The following UBE2G1 variants were observed in gnomAD, a reference collection of about 807,000 sequenced individuals.
The protein encoded by UBE2G1 is ubiquitin-conjugating enzyme E2 G1.
Under a neutral mutation model 22.7 loss-of-function variants are expected in UBE2G1, and 5 were observed. That is an observed-to-expected ratio of 0.22 (90% CI 0.12 to 0.46). The LOEUF (loss-of-function observed/expected upper bound fraction) is 0.46, where lower values mean the gene tolerates loss of function less well. Among genes scored for constraint, UBE2G1 ranks in the 20% least tolerant of loss-of-function variants. The probability of loss-of-function intolerance (pLI) is 0.99; values close to 1 mark genes in which losing one functional copy is unlikely to be tolerated. For missense variants in UBE2G1, 88 were observed against 203.9 expected, an observed-to-expected ratio of 0.43 and a Z score of 3.46; for synonymous variants, 74 against 67.5, an observed-to-expected ratio of 1.10 and a Z score of -0.47.
At chr17:4,276,910 G>C (rs1161769792) in intron 5 of UBE2G1, among the ~76,000 whole-genome samples, 1 of 152,136 alleles carries the variant, frequency 6.6e-6, no homozygotes, top group African/African-American at 2.4e-5. Context: ...AGACAAAAGA[G>C]CCAGTTGACC....
At chr17:4,328,692 C>T (rs1347851257) in intron 1 of UBE2G1, among the ~76,000 whole-genome samples, 1 of 152,146 alleles carries the variant, frequency 6.6e-6, no homozygotes, top group Non-Finnish European at 1.5e-5. Context: ...ATAAAAGAAA[C>T]CTAAGCACGT....
At chr17:4,366,196 G>C in intron 1 of UBE2G1, 75 bp downstream of exon 1, 1 of 1,443,030 alleles carries the variant, frequency 6.9e-7, no homozygotes, top group Non-Finnish European at 9.1e-7. Context: ...CGCTGGCCCG[G>C]GAGGAGAAGA....
At chr17:4,300,087 C>CT (rs35118148) in intron 2 of UBE2G1, among the ~76,000 whole-genome samples, 133,261 of 146,630 alleles carry the variant, frequency 0.91, 61,464 homozygotes, top group East Asian at 1. Flanking sequence ...GGCCTACCTG[C>CT]TTTTTTTTTT....
chr17:4,273,856 C>G (rs563141081), intron 5 of UBE2G1, among the ~76,000 whole-genome samples: 1 of 152,220 alleles, frequency 6.6e-6, no homozygotes, highest in South Asian at 2.1e-4. Flanking sequence ...CAGAAGATGA[C>G]TAAGAAATCA....
At chr17:4,329,336 T>C (rs192367277) in intron 1 of UBE2G1, among the ~76,000 whole-genome samples, 25 of 150,470 alleles carry the variant, frequency 1.7e-4, no homozygotes, top group Non-Finnish European at 3.4e-4. Flanking sequence ...GAGGCGGAGG[T>C]TGCAGTGAGC....
chr17:4,291,565 T>A (rs1045708599), intron 3 of UBE2G1, among the ~76,000 whole-genome samples: 1 of 152,042 alleles, frequency 6.6e-6, no homozygotes, highest in Non-Finnish European at 1.5e-5. Flanking sequence ...TTTTCCTTTT[T>A]AAAAAAAATC....
At chr17:4,339,833 G>C (rs1399609462) in intron 1 of UBE2G1, among the ~76,000 whole-genome samples, 2 of 150,816 alleles carry the variant, frequency 1.3e-5, no homozygotes, top group Non-Finnish European at 3.0e-5. Flanking sequence ...TGGGCAACAA[G>C]AGCAAAACTG....
At chr17:4,337,390 C>T (rs1020414787) in intron 1 of UBE2G1, among the ~76,000 whole-genome samples, 12 of 151,132 alleles carry the variant, frequency 7.9e-5, no homozygotes, top group Admixed American at 5.3e-4. Context: ...CAGTGGCTCA[C>T]GCCTGTAATC....
chr17:4,353,515 TTTTA>T (rs1445058441), intron 1 of UBE2G1, among the ~76,000 whole-genome samples: 1 of 151,752 alleles, frequency 6.6e-6, no homozygotes. Context: ...ATTTTTTTTT[TTTTA>T]GACAGAGTCT....
At chr17:4,318,123 C>T (rs887172010) in intron 1 of UBE2G1, among the ~76,000 whole-genome samples, 2 of 152,092 alleles carry the variant, frequency 1.3e-5, no homozygotes, top group Non-Finnish European at 2.9e-5. Context: ...CCCTTGGTAA[C>T]GTTGCAACAC....
Position 4,307,140 on chromosome 17 carries a change from G to A in UBE2G1, c.47-17C>T. The A allele has an allele frequency of 6.2e-7, 1 of 1,601,256 alleles. No homozygotes were observed. Among genetic ancestry groups the A allele is most frequent in the Non-Finnish European group, 8.6e-7 (1 of 1,168,800 alleles). ...TGTTGAGTTCTGTGGAAAAAGAAAA[G>A]TTTAATCAATACATTTAAGCACATA... On this transcript the variant is annotated splice_polypyrimidine_tract_variant and intron_variant, in intron 1 of 5. Transcript: ENST00000396981.
At chr17:4,344,643 T>G (rs1969749055) in intron 1 of UBE2G1, among the ~76,000 whole-genome samples, 1 of 151,390 alleles carries the variant, frequency 6.6e-6, no homozygotes, top group Non-Finnish European at 1.5e-5. Context: ...GGCCAGAGGT[T>G]TGAGACCGGC....
intron 1 of UBE2G1, among the ~76,000 whole-genome samples, chr17:4,337,609 C>T (rs1394837856): frequency 6.7e-6 from 1 of 149,230 alleles, no homozygotes; most frequent in Non-Finnish European, 1.5e-5. Flanking sequence ...GCTGAAATCA[C>T]GCCACTGCAC....
chr17:4,306,353 A>C (rs750505820), intron 2 of UBE2G1, among the ~76,000 whole-genome samples: 1 of 151,156 alleles, frequency 6.6e-6, no homozygotes, highest in Non-Finnish European at 1.5e-5. Flanking sequence ...TGCCCAGCTA[A>C]TTTTCGTATT....
At chr17:4,354,429 C>T (rs182286560) in intron 1 of UBE2G1, among the ~76,000 whole-genome samples, 4 of 152,164 alleles carry the variant, frequency 2.6e-5, no homozygotes, top group Non-Finnish European at 4.4e-5. Context: ...AAGAACCCTC[C>T]GAAATTACAT....
intron 2 of UBE2G1, among the ~76,000 whole-genome samples, chr17:4,304,544 G>C (rs569515314): frequency 7.3e-6 from 1 of 137,342 alleles, no homozygotes; most frequent in African/African-American, 2.5e-5. Flanking sequence ...AACTATAGGA[G>C]TCTCAAAGTA....
intron 1 of UBE2G1, among the ~76,000 whole-genome samples, chr17:4,315,435 C>T (rs1969355002): frequency 1.3e-5 from 2 of 152,076 alleles, no homozygotes; most frequent in Admixed American, 1.3e-4. Context: ...TTGTACTTGA[C>T]TACTAAGAAA....
At chr17:4,296,900 G>T in intron 2 of UBE2G1, 86 bp from the exon 3 acceptor site, 2 of 1,153,184 alleles carry the variant, frequency 1.7e-6, no homozygotes, top group Non-Finnish European at 2.5e-6. Flanking sequence ...AAACAAGGGT[G>T]CTAGCACTAA....
At chr17:4,337,074 G>C (rs1413562707) in intron 1 of UBE2G1, among the ~76,000 whole-genome samples, 1 of 152,052 alleles carries the variant, frequency 6.6e-6, no homozygotes, top group Non-Finnish European at 1.5e-5. Context: ...TCAAGTAATT[G>C]AATGGAGTAA....
Sources: allele counts gnomAD v4.1 joint callset (sites outside exome capture counted in the v4.1 genomes callset), GRCh38; gene constraint gnomAD v4.1.1; transcripts MANE v1.5; gene names NCBI Gene and HGNC (gene_info 2026-07-23, HGNC 2026-07-21).